The following CSNK1A1 variants were observed in gnomAD, a reference collection of about 807,000 sequenced individuals.
CSNK1A1 encodes the protein casein kinase I isoform alpha.
CSNK1A1 carries 7 observed loss-of-function variants against 46.1 expected under a neutral mutation model. The ratio of observed to expected loss-of-function variants is 0.15; its 90% CI spans 0.09 to 0.29. CSNK1A1 has a LOEUF of 0.29. Among genes scored for constraint, CSNK1A1 ranks in the 10% least tolerant of loss-of-function variants. The pLI, the probability that CSNK1A1 is intolerant of heterozygous loss-of-function variation, is 1.00. For synonymous variants in CSNK1A1, 137 were observed against 141.5 expected (o/e 0.97, Z 0.23); for missense variants, 96 against 417.1 (o/e 0.23, Z 6.71).
intron 2 of CSNK1A1, among the ~76,000 whole-genome samples, chr5:149,527,224 T>C (rs1218433998): frequency 1.3e-5 from 2 of 151,718 alleles, no homozygotes; most frequent in Non-Finnish European, 2.9e-5. Flanking sequence ...GCCTCCCAGG[T>C]TCAAGTGCTT....
chr5:149,535,024 C>G (rs767502023), intron 2 of CSNK1A1, among the ~76,000 whole-genome samples: 8 of 152,032 alleles, frequency 5.3e-5, no homozygotes, highest in South Asian at 4.1e-4. Context: ...ACTCCCTCTT[C>G]GGATTATCCT....
intron 8 of CSNK1A1, 147 bp downstream of exon 8, chr5:149,506,880 T>G: frequency 1.6e-6 from 1 of 607,110 alleles, no homozygotes; most frequent in Non-Finnish European, 2.8e-6. Context: ...AATGCCAAAT[T>G]AGTCCCAAAT....
chr5:149,513,647 C>T (rs1761304406), intron 4 of CSNK1A1, among the ~76,000 whole-genome samples: 1 of 152,180 alleles, frequency 6.6e-6, no homozygotes, highest in Non-Finnish European at 1.5e-5. Flanking sequence ...CGCCTATAAT[C>T]CCAGCACTTT....
At chr5:149,499,881 A>G (rs1760768074) in intron 9 of CSNK1A1, among the ~76,000 whole-genome samples, 1 of 151,960 alleles carries the variant, frequency 6.6e-6, no homozygotes, top group South Asian at 2.1e-4. Flanking sequence ...CAACTTTTTA[A>G]AAGTTATTTT....
chr5:149,532,821 T>C lies in CSNK1A1; in HGVS notation c.231-7650A>G, dbSNP rs148845442. On this transcript the variant is annotated intron_variant, in intron 2 of 9. Coordinates refer to ENST00000377843, the MANE Select transcript of CSNK1A1 (RefSeq NM_001892.6). The stretch of plus-strand genomic sequence containing the variant: ...AGTGAGAAGCTCATGAAAATAAAAA[T>C]GTAATTTTCCTTACCTGTCTAAATA... Among the ~76,000 whole-genome samples the C allele has an allele frequency of 8.5e-3, 1,293 of 152,302 alleles. 49 individuals carry two copies. Among genetic ancestry groups the C allele is most frequent in the Admixed American group, 0.073 (1,115 of 15,294 alleles).
chr5:149,503,794 C>A, intron 9 of CSNK1A1: 1 of 985,358 alleles, frequency 1.0e-6, no homozygotes, highest in Non-Finnish European at 1.2e-6. Flanking sequence ...TAAGGTAATT[C>A]TTTCTGAAAT....
At chr5:149,512,940 G>T in intron 5 of CSNK1A1, 130 bp downstream of exon 5, 1 of 1,082,840 alleles carries the variant, frequency 9.2e-7, no homozygotes. Context: ...CAGGTAAAAT[G>T]ATTAATAAGC....
intron 9 of CSNK1A1, chr5:149,504,200 C>T (rs995740351): frequency 1.6e-5 from 16 of 985,250 alleles, no homozygotes; most frequent in Middle Eastern, 5.2e-4. Flanking sequence ...AAAAACCCAA[C>T]GACAATAAAC....
intron 2 of CSNK1A1, among the ~76,000 whole-genome samples, chr5:149,546,079 T>TA (rs1762474346): frequency 6.6e-6 from 1 of 150,888 alleles, no homozygotes; most frequent in East Asian, 2.0e-4. Context: ...TGTATTTTAG[T>TA]AGAGACAGGG....
intron 2 of CSNK1A1, among the ~76,000 whole-genome samples, chr5:149,532,121 C>T (rs1459058984): frequency 6.6e-6 from 1 of 152,050 alleles, no homozygotes; most frequent in African/African-American, 2.4e-5. Context: ...TCACGTGATC[C>T]GCCTGCCTTG....
chr5:149,504,724 A>C, intron 9 of CSNK1A1: 2 of 985,440 alleles, frequency 2.0e-6, no homozygotes, highest in Non-Finnish European at 2.4e-6. Flanking sequence ...TTCCACATTA[A>C]ACCCTGGGAG....
chr5:149,520,448 T>A, intron 3 of CSNK1A1, 60 bp from the exon 4 acceptor site: 1 of 942,684 alleles, frequency 1.1e-6, no homozygotes, highest in Non-Finnish European at 1.7e-6. Flanking sequence ...TCAACACATT[T>A]CTTAAGTATT....
intron 4 of CSNK1A1, among the ~76,000 whole-genome samples, chr5:149,513,899 T>A (rs1411092576): frequency 3.5e-5 from 5 of 142,194 alleles, no homozygotes; most frequent in Admixed American, 2.1e-4. Flanking sequence ...AACTCTTTCT[T>A]AAAAAAAAAA....
intron 2 of CSNK1A1, chr5:149,549,569 G>A: frequency 1.4e-6 from 1 of 693,966 alleles, no homozygotes; most frequent in South Asian, 1.5e-5. Context: ...AAAAGGGCAG[G>A]AATATGGGGT....
chr5:149,520,152 C>A, intron 4 of CSNK1A1, 138 bp downstream of exon 4: 1 of 564,196 alleles, frequency 1.8e-6, no homozygotes, highest in South Asian at 2.7e-5. Context: ...TGATTATCCT[C>A]ATAGCACAAT....
At chr5:149,498,114 G>A (rs1760714495) in intron 9 of CSNK1A1, 4 of 985,254 alleles carry the variant, frequency 4.1e-6, no homozygotes, top group South Asian at 9.4e-5. Context: ...TTACAGGTGG[G>A]AGCCACCGTG....
intron 2 of CSNK1A1, among the ~76,000 whole-genome samples, chr5:149,528,573 T>C (rs1761791401): frequency 1.3e-5 from 2 of 152,178 alleles, no homozygotes; most frequent in South Asian, 2.1e-4. Flanking sequence ...AGTTTCTACC[T>C]TCACCTCCAT....
At chr5:149,520,511 T>G in intron 3 of CSNK1A1, 123 bp from the exon 4 acceptor site, 26 of 538,430 alleles carry the variant, frequency 4.8e-5, no homozygotes, top group East Asian at 6.5e-5. Context: ...GAAAATGAAA[T>G]GGAAAGGACA....
rs980715120 is a variant in CSNK1A1, at chr5:149,550,041, C to G, written c.230+34G>C. 27 of 1,603,526 alleles carry G rather than the reference C, an allele frequency of 1.7e-5. No homozygotes were observed. Among genetic ancestry groups the G allele is most frequent in the Non-Finnish European group, 2.3e-5 (27 of 1,173,688 alleles). On this transcript the variant is annotated intron_variant, in intron 2 of 9. Coordinates refer to ENST00000377843, the MANE Select transcript of CSNK1A1 (RefSeq NM_001892.6). This position sits in a 1 kb window ranked among gnomAD's most constrained non-coding sequence, Gnocchi z 4.3. ...ACCCACTTCCCCATTCCGTGCTTCC[C>G]TCAGCGGATCGCCTATATGCACCGG...
Sources: gnomAD v4.1 joint callset for allele counts (sites outside exome capture counted in the v4.1 genomes callset) on GRCh38, gnomAD v4.1.1 for gene constraint, Gnocchi (gnomAD v3.1) non-coding constraint, MANE v1.5 for transcripts, NCBI Gene and HGNC (gene_info 2026-07-23, HGNC 2026-07-21) for gene names.